Variants in GRSF1 observed in about 807,000 individuals in gnomAD.
The protein encoded by GRSF1 is G-rich RNA sequence binding factor 1.
In GRSF1, 50 loss-of-function variants were observed where a neutral mutation model predicts 51.1. That is an observed-to-expected ratio of 0.98 (90% CI 0.78 to 1.24). The LOEUF (loss-of-function observed/expected upper bound fraction) is 1.24, where lower values mean the gene tolerates loss of function less well. Among genes scored for constraint, GRSF1 ranks in the 50% most tolerant of loss-of-function variants. The pLI, the probability that GRSF1 is intolerant of heterozygous loss-of-function variation, is 0.00. For synonymous variants in GRSF1, 293 were observed against 253.3 expected (o/e 1.16, Z -1.49); for missense variants, 700 against 639.7 (o/e 1.09, Z -1.02).
At chr4:70,822,925 T>C (rs1733579103) in intron 9 of GRSF1, among the ~76,000 whole-genome samples, 1 of 151,692 alleles carries the variant, frequency 6.6e-6, no homozygotes, top group Admixed American at 6.6e-5. Context: ...TGAAACCTCA[T>C]CTCTACTAAA....
intron 1 of GRSF1, chr4:70,839,082 A>G (rs1261501450): frequency 7.2e-6 from 9 of 1,253,842 alleles, no homozygotes; most frequent in Non-Finnish European, 9.4e-6. Context: ...GAAACTCCCA[A>G]CCCTCCGGCG....
intron 1 of GRSF1, 91 bp downstream of exon 1, chr4:70,839,380 G>C (rs1468208995): frequency 6.6e-7 from 1 of 1,507,592 alleles, no homozygotes; most frequent in Non-Finnish European, 8.9e-7. Flanking sequence ...GCGTGCCCGC[G>C]AGGCGCACAC....
chr4:70,837,147 G>A (rs114454753), intron 1 of GRSF1, among the ~76,000 whole-genome samples: 2,137 of 152,300 alleles, frequency 0.014, 42 homozygotes, highest in African/African-American at 0.049. Context: ...TAAAGACAAC[G>A]GCAGCAGTGT....
chr4:70,838,508 A>T (rs962590517), intron 1 of GRSF1, among the ~76,000 whole-genome samples: 3 of 152,224 alleles, frequency 2.0e-5, no homozygotes, highest in African/African-American at 2.4e-5. Context: ...GGCAGACAGC[A>T]GCCATGCTGA....
Position 70,833,183 on chromosome 4 carries a change from G to A in GRSF1, c.605C>T (p.Ser202Leu). 6.2e-7 allele frequency: 1 copy of A among 1,613,808 alleles called. No individual in the cohort carries two copies. Among genetic ancestry groups the A allele is most frequent in the Non-Finnish European group, 8.5e-7 (1 of 1,179,754 alleles). The change falls in exon 3 of 10, where the codon TCA becomes TTA. Residue 202 changes from serine (S) to leucine (L), a missense_variant. Coordinates refer to ENST00000254799, the MANE Select transcript of GRSF1 (RefSeq NM_002092.4). ...RRGDALIEME[S>L]EQDVQKALEK... ...TAAGGCTTTCTGCACATCCTGCTCTGACTCCATTTCAATTAAGGCATCACC... is the reference window on the plus strand; with the variant it reads ...TAAGGCTTTCTGCACATCCTGCTCTAACTCCATTTCAATTAAGGCATCACC...
intron 1 of GRSF1, 178 bp downstream of exon 1, chr4:70,839,293 G>C: frequency 6.7e-7 from 1 of 1,499,490 alleles, no homozygotes; most frequent in Non-Finnish European, 8.9e-7. Context: ...GCCTGGGAGA[G>C]CTTCCCTTGT....
rs943057298 is a variant in GRSF1 at position 70,817,129 on chromosome 4, G to C, written c.*3758C>G. ...AAACTAAACAGCTGAATTACAGGAG[G>C]GGAAGGAGAATCTTCACTACCGTTT... On this transcript the variant is annotated 3_prime_UTR_variant, in exon 10 of 10. Coordinates refer to ENST00000254799, the MANE Select transcript of GRSF1 (RefSeq NM_002092.4). 1 of 152,094 alleles carries C rather than the reference G, an allele frequency of 6.6e-6. No individual in the cohort carries two copies. 9.4% of individuals were successfully genotyped at this position (152,094 alleles called of 1,614,324 possible). A position where few individuals can be genotyped will look rare whatever the true frequency, so the allele number is the denominator to read the frequency against.
chr4:70,823,974 C>CTTTTTTTTTTTTTTTTTTTTTTT lies in GRSF1; in HGVS notation c.*25+319_*25+320insAAAAAAAAAAAAAAAAAAAAAAA, dbSNP rs577909875. On this transcript the variant is annotated intron_variant, in intron 9 of 9. Transcript: ENST00000254799. ...AAATAATTTCCACAGTTGTATCTCT[C>CTTTTTTTTTTTTTTTTTTTTTTT]TCTTTTTTTTTTTTTTTTTTGAGTC... Among the ~76,000 whole-genome samples, 14 of 100,932 alleles carry CTTTTTTTTTTTTTTTTTTTTTTT rather than the reference C, an allele frequency of 1.4e-4. 7 individuals carry two copies. Among genetic ancestry groups the CTTTTTTTTTTTTTTTTTTTTTTT allele is most frequent in the Non-Finnish European group, 7.5e-5 (4 of 53,520 alleles). The allele number at this position is 100,932 out of a possible 152,430, so 66.2% of individuals were successfully genotyped here. A position where few individuals can be genotyped will look rare whatever the true frequency, so the allele number is the denominator to read the frequency against.
chr4:70,833,668 A>G (rs1351768002), intron 2 of GRSF1, among the ~76,000 whole-genome samples: 1 of 152,150 alleles, frequency 6.6e-6, no homozygotes, highest in Admixed American at 6.5e-5. Flanking sequence ...TGTATGAGTA[A>G]TTTTATTACC....
At chr4:70,840,341 G>C (rs549135124), upstream of GRSF1, among the ~76,000 whole-genome samples, 3 of 152,378 alleles carry the variant, frequency 2.0e-5, no homozygotes, top group South Asian at 6.2e-4. Context: ...GCCTGGCGCA[G>C]TGACTCATTC....
At position 70,839,760 on chromosome 4, in the gene GRSF1, C is replaced by G. The variant is rs1220353866; in HGVS notation, c.68G>C (p.Arg23Pro). 2 of 1,504,212 alleles carry G rather than the reference C, an allele frequency of 1.3e-6. No homozygotes were observed. The highest frequency in any genetic ancestry group is 2.9e-5 in the African/African-American group (2 of 68,968). 93.2% of individuals were successfully genotyped at this position (1,504,212 alleles called of 1,614,324 possible). ...GGGCAGGCAGGCGGCGCCGGTGCGC[C>G]GGCAGCTGCTGCAGTTACAGCCGCA... is the stretch of plus-strand genomic sequence containing the variant. Reference protein sequence around the residue: ...RGCGCNCSSCRRTGAACLPFY... With the variant: ...RGCGCNCSSCPRTGAACLPFY... Residue 23 changes from arginine (R) to proline (P), a missense_variant, in exon 1 of 10, where the codon CGG (arginine) becomes CCG (proline). By Grantham distance (103) the Arg-to-Pro change is moderately radical. Coordinates refer to ENST00000254799, the MANE Select transcript of GRSF1 (RefSeq NM_002092.4).
At chr4:70,835,751 A>G (rs1286485575) in intron 2 of GRSF1, among the ~76,000 whole-genome samples, 1 of 152,006 alleles carries the variant, frequency 6.6e-6, no homozygotes, top group Non-Finnish European at 1.5e-5. Context: ...CATACTATGC[A>G]GTCTTAACGT....
chr4:70,828,023 A>G lies in GRSF1; in HGVS notation c.964T>C (p.Phe322Leu), dbSNP rs1190026222. The G allele has an allele frequency of 3.1e-6, 5 of 1,613,110 alleles. No individual in the cohort carries two copies. Among genetic ancestry groups the G allele is most frequent in the Non-Finnish European group, 2.5e-6 (3 of 1,179,436 alleles). Reference protein sequence around the residue: ...EEIGNRYIEIFPSRRNEVRTH... With the variant: ...EEIGNRYIEILPSRRNEVRTH... Reference sequence around the variant, plus strand: ...CGAACTTCATTCCTTCTGCTTGGAAATATCTCGATGTATCTATGTCAAAGC... The same window carrying G: ...CGAACTTCATTCCTTCTGCTTGGAAGTATCTCGATGTATCTATGTCAAAGC... Residue 322 changes from phenylalanine to leucine, a missense_variant, in exon 6 of 10, where the codon TTT (phenylalanine) becomes CTT (leucine). Transcript: ENST00000254799.
chr4:70,838,219 CAAAAAAAAAA>C (rs35303311), intron 1 of GRSF1, among the ~76,000 whole-genome samples: 1 of 94,604 alleles, frequency 1.1e-5, no homozygotes, highest in South Asian at 4.3e-4. Flanking sequence ...ACTCGGTCTC[CAAAAAAAAAA>C]AAAAAAAAAG....
chr4:70,832,967 T>C, intron 3 of GRSF1, 151 bp downstream of exon 3: 1 of 705,058 alleles, frequency 1.4e-6, no homozygotes. Flanking sequence ...AAAAAGAAAC[T>C]TTATCTCTTT....
chr4:70,839,275 G>A (rs2148849204), intron 1 of GRSF1, 196 bp downstream of exon 1: 2 of 1,492,298 alleles, frequency 1.3e-6, no homozygotes, highest in South Asian at 2.4e-5. Context: ...ACAAGCAGAA[G>A]ACCCGACGCC....
chr4:70,823,001 G>A (rs964349928), intron 9 of GRSF1, among the ~76,000 whole-genome samples: 3 of 152,202 alleles, frequency 2.0e-5, no homozygotes, highest in African/African-American at 2.4e-5. Flanking sequence ...GGAGACTGAG[G>A]CAGGAGAATC....
At position 70,826,216 on chromosome 4, in the gene GRSF1, G is replaced by C; in HGVS notation, c.1165C>G (p.Pro389Ala). ...GTAGTTCCAAAATCAGCAGCCTCTGGAAGCTTTTCTGGCACCTCCTTAGGC... is the reference window on the plus strand; with the variant it reads ...GTAGTTCCAAAATCAGCAGCCTCTGCAAGCTTTTCTGGCACCTCCTTAGGC... Reference protein sequence around the residue: ...ELPKEVPEKLPEAADFGTTSS... With the variant: ...ELPKEVPEKLAEAADFGTTSS... Residue 389 changes from proline (P) to alanine (A), a missense_variant, in exon 7 of 10, where the codon CCA (proline) becomes GCA (alanine). Pro to Ala is a conservative substitution (Grantham distance 27). Coordinates refer to ENST00000254799, the MANE Select transcript of GRSF1 (RefSeq NM_002092.4). 6.2e-7 allele frequency: 1 copy of C among 1,610,490 alleles called. No homozygotes were observed. The highest frequency in any genetic ancestry group is 8.5e-7 in the Non-Finnish European group (1 of 1,178,412).
intron 5 of GRSF1, 93 bp downstream of exon 5, chr4:70,831,444 CTA>C (rs1349273674): frequency 8.9e-7 from 1 of 1,127,164 alleles, no homozygotes; most frequent in Admixed American, 2.3e-5. Context: ...CTCTACTTTT[CTA>C]TGTTTGGATA....
Sources: allele counts gnomAD v4.1 joint callset (sites outside exome capture counted in the v4.1 genomes callset), GRCh38; gene constraint gnomAD v4.1.1; transcripts MANE v1.5; gene names NCBI Gene and HGNC (gene_info 2026-07-23, HGNC 2026-07-21).